Variants in MGAM2 observed in about 807,000 individuals in gnomAD.
MGAM2 encodes the protein maltase-glucoamylase 2 (putative), also known as probable maltase-glucoamylase 2.
Under a neutral mutation model 96.1 loss-of-function variants are expected in MGAM2, and 98 were observed. The observed-to-expected ratio is 1.02, with a 90% CI of 0.87 to 1.21. The LOEUF (loss-of-function observed/expected upper bound fraction) is 1.21, where lower values mean the gene tolerates loss of function less well. MGAM2 is among the 50% of genes most tolerant of loss of function. MGAM2 has a pLI of 0.00. For missense variants in MGAM2, 2,055 were observed against 1,182.4 expected (o/e 1.74, Z -10.82); for synonymous variants, 749 against 414.8 (o/e 1.81, Z -9.79).
At chr7:142,128,518 A>G (rs1401453405) in intron 3 of MGAM2, among the ~76,000 whole-genome samples, 1 of 152,190 alleles carries the variant, frequency 6.6e-6, no homozygotes, top group Non-Finnish European at 1.5e-5. Flanking sequence ...AGCCTCGGAC[A>G]GAAAAATGGT....
chr7:142,143,107 A>C (rs538377863), intron 12 of MGAM2, among the ~76,000 whole-genome samples: 16 of 152,186 alleles, frequency 1.1e-4, no homozygotes, highest in African/African-American at 3.1e-4. Context: ...CCGGAGTGTA[A>C]AGTTGTTCCT....
chr7:142,149,319 C>A (rs534629132), intron 15 of MGAM2, among the ~76,000 whole-genome samples: 1 of 152,252 alleles, frequency 6.6e-6, no homozygotes, highest in African/African-American at 2.4e-5. Flanking sequence ...GGATCTTTTC[C>A]ATCAGCTCTT....
intron 29 of MGAM2, 34 bp downstream of exon 29, chr7:142,172,228 G>A: frequency 1.4e-6 from 1 of 694,904 alleles, no homozygotes; most frequent in South Asian, 1.5e-5. Context: ...TGCACCACCA[G>A]AAACAGCTGT....
At chr7:142,163,114 G>A (rs1006307224) in intron 23 of MGAM2, among the ~76,000 whole-genome samples, 4 of 152,198 alleles carry the variant, frequency 2.6e-5, no homozygotes, top group African/African-American at 9.7e-5. Flanking sequence ...TGTGACAACA[G>A]CTTGCTCCTT....
At chr7:142,170,924 T>C (rs1362667975) in intron 27 of MGAM2, among the ~76,000 whole-genome samples, 1 of 152,228 alleles carries the variant, frequency 6.6e-6, no homozygotes, top group East Asian at 1.9e-4. Context: ...CATGCTTTTC[T>C]ATTGGAAAGT....
intron 46 of MGAM2, among the ~76,000 whole-genome samples, chr7:142,209,951 A>G (rs971915641): frequency 6.6e-6 from 1 of 152,232 alleles, no homozygotes; most frequent in African/African-American, 2.4e-5. Context: ...TCTGGCCTGC[A>G]GCTCCCAGTG....
At chr7:142,216,115 C>A (rs906933194) in intron 46 of MGAM2, among the ~76,000 whole-genome samples, 5 of 152,114 alleles carry the variant, frequency 3.3e-5, no homozygotes, top group African/African-American at 9.7e-5. Context: ...ACATGATTAT[C>A]AGGTCATATT....
At chr7:142,136,488 T>A (rs1795063029) in intron 7 of MGAM2, 53 bp from the exon 8 acceptor site, 1 of 582,202 alleles carries the variant, frequency 1.7e-6, no homozygotes, top group Admixed American at 3.0e-5. Context: ...TTAGGGTGAA[T>A]GAAAACTTTC....
In MGAM2 at chr7:142,172,752, G is replaced by T; in HGVS notation, c.3549G>T (p.Gln1183His). The change falls in exon 30 of 48, where the codon CAG becomes CAT. Residue 1183 changes from glutamine to histidine, a missense_variant. Gln to His is a conservative substitution (Grantham distance 24, BLOSUM62 0). Coordinates refer to ENST00000477922, the MANE Select transcript of MGAM2 (RefSeq NM_001293626.2). The stretch of plus-strand genomic sequence containing the variant: ...GGCCAACCCCTGAACTTGTAACTCA[G>T]CAATACACAGAGGTTAGAAGCCATT... Reference protein sequence around the residue: ...VLGPTPELVTQQYTELIGRPA... With the variant: ...VLGPTPELVTHQYTELIGRPA... 1 of 701,772 alleles carries T rather than the reference G, an allele frequency of 1.4e-6. No homozygotes were observed. Among genetic ancestry groups the T allele is most frequent in the Non-Finnish European group, 2.6e-6 (1 of 384,626 alleles). The allele number at this position is 701,772 out of a possible 1,614,324, so 43.5% of individuals were successfully genotyped here. A position where few individuals can be genotyped will look rare whatever the true frequency, so the allele number is the denominator to read the frequency against.
intron 3 of MGAM2, among the ~76,000 whole-genome samples, chr7:142,124,752 G>C (rs1794690135): frequency 6.6e-6 from 1 of 151,888 alleles, no homozygotes; most frequent in South Asian, 2.1e-4. Flanking sequence ...TTTTAGTTTT[G>C]AAATTTTTGA....
intron 19 of MGAM2, among the ~76,000 whole-genome samples, chr7:142,158,650 C>G (rs893234291): frequency 2.2e-4 from 34 of 152,122 alleles, no homozygotes; most frequent in African/African-American, 7.7e-4. Context: ...TTCCTTTGTC[C>G]AGAGCGGGTG....
intron 37 of MGAM2, among the ~76,000 whole-genome samples, chr7:142,191,295 A>G (rs1238070935): frequency 2.0e-5 from 3 of 152,034 alleles, no homozygotes; most frequent in Non-Finnish European, 4.4e-5. Flanking sequence ...ATAAAGTCCT[A>G]TTTATTCATT....
chr7:142,142,731 G>A (rs1356395382), intron 12 of MGAM2, among the ~76,000 whole-genome samples: 1 of 151,872 alleles, frequency 6.6e-6, no homozygotes, highest in Non-Finnish European at 1.5e-5. Flanking sequence ...TGTATTTTTA[G>A]TAGAGACGGA....
intron 1 of MGAM2, among the ~76,000 whole-genome samples, chr7:142,112,598 G>C (rs965963779): frequency 6.6e-6 from 1 of 151,966 alleles, no homozygotes; most frequent in African/African-American, 2.4e-5. Flanking sequence ...ATTGGAGACC[G>C]ATCCTCTAAG....
At chr7:142,166,011 G>GTCCTGACT (rs1290596183) in intron 24 of MGAM2, 87 bp from the exon 25 acceptor site, 1 of 597,928 alleles carries the variant, frequency 1.7e-6, no homozygotes, top group Non-Finnish European at 3.0e-6. Context: ...AGATGCCCTT[G>GTCCTGACT]TCCTGACTTC....
intron 2 of MGAM2, among the ~76,000 whole-genome samples, chr7:142,118,797 C>CAACAACA (rs142209436): frequency 6.6e-6 from 1 of 151,890 alleles, no homozygotes; most frequent in African/African-American, 2.4e-5. Flanking sequence ...GTAACAACAA[C>CAACAACA]AAAAAAATGT....
Position 142,186,226 on chromosome 7 carries a change from T to A in MGAM2, c.4122+103T>A, listed in dbSNP as rs566716583. On this transcript the variant is annotated intron_variant, in intron 35 of 47. Coordinates refer to ENST00000477922, the MANE Select transcript of MGAM2 (RefSeq NM_001293626.2). ...AAGCAGAGACATAGGGCTGAAGAGATGAAAGGGAGAATCTAGGTGCTGTTA... is the reference window on the plus strand; with the variant it reads ...AAGCAGAGACATAGGGCTGAAGAGAAGAAAGGGAGAATCTAGGTGCTGTTA... 1.1e-5 allele frequency: 7 copies of A among 628,400 alleles called. No individual in the cohort carries two copies. The East Asian group carries it at 1.4e-4, about 12-fold the overall frequency. 38.9% of individuals were successfully genotyped at this position (628,400 alleles called of 1,614,324 possible). A position where few individuals can be genotyped will look rare whatever the true frequency, so the allele number is the denominator to read the frequency against.
chr7:142,171,654 A>ATC (rs1267879025), intron 28 of MGAM2, among the ~76,000 whole-genome samples: 1 of 68,120 alleles, frequency 1.5e-5, no homozygotes, highest in Non-Finnish European at 3.0e-5. Flanking sequence ...ATATATATAT[A>ATC]TCCACAACTG....
chr7:142,146,808 ACCTCCG>A (rs1303099343), intron 14 of MGAM2, among the ~76,000 whole-genome samples: 8 of 149,348 alleles, frequency 5.4e-5, no homozygotes, highest in South Asian at 2.1e-4. Context: ...GCTCATTGCC[ACCTCCG>A]CCTCCCGGGC....
Sources: gnomAD v4.1 joint callset for allele counts (sites outside exome capture counted in the v4.1 genomes callset) on GRCh38, gnomAD v4.1.1 for gene constraint, MANE v1.5 for transcripts, NCBI Gene and HGNC (gene_info 2026-07-23, HGNC 2026-07-21) for gene names.